Variants in PHF12 observed in about 807,000 individuals in gnomAD.
PHF12 encodes PHD factor 1.
PHF12 carries 6 observed loss-of-function variants against 99.8 expected under a neutral mutation model. That is an observed-to-expected ratio of 0.06 (90% CI 0.03 to 0.12). The LOEUF is 0.12. PHF12 is among the 10% of genes least tolerant of loss of function. The pLI is 1.00. For missense variants in PHF12, 954 were observed against 1,300.1 expected (o/e 0.73, Z 4.09); for synonymous variants, 480 against 514.9 (o/e 0.93, Z 0.92).
chr17:28,909,911 A>G, intron 11 of PHF12: 1 of 605,132 alleles, frequency 1.7e-6, no homozygotes, highest in Admixed American at 2.9e-5. Context: ...TCTAATTCAA[A>G]TATTTGAAAG....
At chr17:28,912,220 G>C (rs954084506) in intron 9 of PHF12, 3 of 1,296,466 alleles carry the variant, frequency 2.3e-6, no homozygotes. Context: ...AGGAGACCTG[G>C]GCTGTGGTTC....
chr17:28,949,925 G>C lies in PHF12; in HGVS notation c.248+140C>G. On this transcript the variant is annotated intron_variant, in intron 2 of 14. Transcript: ENST00000332830. This position sits in a 1 kb window ranked among gnomAD's most constrained non-coding sequence, Gnocchi z 4.6. ...AACCCGGCGGACACCTGGGGGCGGG[G>C]AGGTGCTCGCCCCGGCAGCTGCAGA... The C allele has an allele frequency of 2.1e-6, 2 of 966,128 alleles. No individual in the cohort carries two copies. The highest frequency in any genetic ancestry group is 3.0e-6 in the Non-Finnish European group (2 of 665,044). 59.8% of individuals were successfully genotyped at this position (966,128 alleles called of 1,614,324 possible).
rs145949785 is a variant in PHF12, at chr17:28,934,978, C to A, written c.249-7915G>T. On this transcript the variant is annotated intron_variant, in intron 2 of 14. Coordinates refer to ENST00000332830, the MANE Select transcript of PHF12 (RefSeq NM_001033561.2). Reference sequence around the variant, plus strand: ...AGCTCTGGAATAGTTGTCTTCTGTACCTGAACTGGCTTGTCTTGGAAAACT... The same window carrying A: ...AGCTCTGGAATAGTTGTCTTCTGTAACTGAACTGGCTTGTCTTGGAAAACT... Among the ~76,000 whole-genome samples, 35 of 152,324 alleles carry A rather than the reference C, an allele frequency of 2.3e-4. No individual in the cohort carries two copies. In the East Asian group the frequency reaches 6.7e-3, roughly 29 times the overall value.
chr17:28,927,795 T>C (rs1265304654), intron 2 of PHF12: 2 of 152,192 alleles, frequency 1.3e-5, no homozygotes, highest in South Asian at 2.1e-4. Flanking sequence ...AGAGAGGACA[T>C]GGAGGAGACA....
rs770469264 is a variant in PHF12, at chr17:28,907,637, G to A, written c.2494C>T (p.His832Tyr). 1 of 1,613,940 alleles carries A rather than the reference G, an allele frequency of 6.2e-7. No individual in the cohort carries two copies. The highest frequency in any genetic ancestry group is 2.2e-5 in the East Asian group (1 of 44,880). ...DMDVCLTNYG[H>Y]CNYVSGKHAC... The stretch of plus-strand genomic sequence containing the variant: ...TGTTTCCCGGACACGTAGTTACAGT[G>A]ACCATAGTTTGTAAGGCACACATCC... The change falls in exon 13 of 15, where the codon CAC becomes TAC. Residue 832 changes from histidine (H) to tyrosine (Y), a missense_variant. Transcript: ENST00000332830.
chr17:28,919,195 G>C lies in PHF12; in HGVS notation c.917C>G (p.Thr306Ser). The change falls in exon 6 of 15, where the codon ACT (threonine) becomes AGT (serine). Residue 306 changes from threonine (T) to serine (S), a missense_variant. Transcript: ENST00000332830. ...CATCCATCTGCCCAGGGGCATGGCAGTGAGCGGCGGCTCGAGGCAATCCAT... is the reference window on the plus strand; with the variant it reads ...CATCCATCTGCCCAGGGGCATGGCACTGAGCGGCGGCTCGAGGCAATCCAT... ...FHMDCLEPPL[T>S]AMPLGRWMCP... is the part of the protein sequence containing the mutation. The C allele has an allele frequency of 6.2e-7, 1 of 1,614,262 alleles. No homozygotes were observed. Among genetic ancestry groups the C allele is most frequent in the Non-Finnish European group, 8.5e-7 (1 of 1,180,038 alleles).
Position 28,950,599 on chromosome 17 carries a change from A to C in PHF12, c.66+296T>G. 1 of 516,390 alleles carries C rather than the reference A, an allele frequency of 1.9e-6. No individual in the cohort carries two copies. The highest frequency in any genetic ancestry group is 3.3e-5 in the East Asian group (1 of 29,964). The allele number at this position is 516,390 out of a possible 1,614,324, so 32.0% of individuals were successfully genotyped here. ...CCCGGTACCCGGACGTGCTGGGGGA[A>C]GCACAAAGGGGCCAACAAGAAGGGG... On this transcript the variant is annotated intron_variant, in intron 1 of 14. Transcript: ENST00000332830. This position sits in a 1 kb window ranked among gnomAD's most constrained non-coding sequence, Gnocchi z 5.7.
Position 28,921,684 on chromosome 17 carries a change from A to G in PHF12, c.836+4T>C, listed in dbSNP as rs2040168934. The G allele has an allele frequency of 6.2e-7, 1 of 1,613,762 alleles. No homozygotes were observed. The highest frequency in any genetic ancestry group is 8.5e-7 in the Non-Finnish European group (1 of 1,179,840). ...AAAGAGCCCCTTAGTATGAAAGAAAATACCTGTTACACGTGAAGCAGACTT... is the reference window on the plus strand; with the variant it reads ...AAAGAGCCCCTTAGTATGAAAGAAAGTACCTGTTACACGTGAAGCAGACTT... On this transcript the variant is annotated splice_donor_region_variant and intron_variant, in intron 5 of 14. Coordinates refer to ENST00000332830, the MANE Select transcript of PHF12 (RefSeq NM_001033561.2).
intron 2 of PHF12, among the ~76,000 whole-genome samples, chr17:28,943,701 C>A (rs2152678590): frequency 6.8e-6 from 1 of 147,778 alleles, no homozygotes; most frequent in South Asian, 2.1e-4. Context: ...CAAATGTTCA[C>A]AACATTATTT....
At chr17:28,934,984 C>A (rs2040482852) in intron 2 of PHF12, among the ~76,000 whole-genome samples, 1 of 152,234 alleles carries the variant, frequency 6.6e-6, no homozygotes, top group Non-Finnish European at 1.5e-5. Context: ...TGTACCTGAA[C>A]TGGCTTGTCT....
chr17:28,928,386 A>C (rs977963566), intron 2 of PHF12: 1 of 152,206 alleles, frequency 6.6e-6, no homozygotes, highest in African/African-American at 2.4e-5. Flanking sequence ...CCATGAGTTC[A>C]TATTACTCCT....
In PHF12 at chr17:28,912,496, G is replaced by A; in HGVS notation, c.2075C>T (p.Pro692Leu). Reference sequence around the variant, plus strand: ...GCAGCACTCACCTGACGATGGCGCTGGTGAGCTGAATCGTTGGTTGGCTGT... The same window carrying A: ...GCAGCACTCACCTGACGATGGCGCTAGTGAGCTGAATCGTTGGTTGGCTGT... ...ATTANQRFSSPAPSSDGKVSP... is the reference protein window; with the variant it reads ...ATTANQRFSSLAPSSDGKVSP... Residue 692 changes from proline (P) to leucine (L), a missense_variant, in exon 9 of 15, where the codon CCA becomes CTA. Physicochemically the swap from Pro to Leu is moderately conservative, Grantham distance 98. Transcript: ENST00000332830. The A allele has an allele frequency of 1.2e-6, 2 of 1,600,262 alleles. No individual in the cohort carries two copies. Among genetic ancestry groups the A allele is most frequent in the Non-Finnish European group, 1.7e-6 (2 of 1,170,322 alleles).
intron 9 of PHF12, chr17:28,912,023 C>G: frequency 1.1e-6 from 1 of 913,084 alleles, no homozygotes; most frequent in Non-Finnish European, 1.3e-6. Context: ...GGAAGTTCAT[C>G]AGATTAACTC....
intron 2 of PHF12, chr17:28,945,069 G>A (rs1218633623): frequency 1.3e-5 from 2 of 152,132 alleles, no homozygotes; most frequent in Non-Finnish European, 2.9e-5. Flanking sequence ...GACGTGCCTG[G>A]GCAGCATAGT....
In PHF12 at chr17:28,906,633, G is replaced by A; in HGVS notation, c.2681-116C>T. ...ATTCCAACTGCTGCATGACTAGGGA[G>A]GAAGGATGCTCAGAAAGGGTTGGTG... On this transcript the variant is annotated intron_variant, in intron 14 of 14. Transcript: ENST00000332830. This position sits in a 1 kb window ranked among gnomAD's most constrained non-coding sequence, Gnocchi z 4.2. 7.8e-7 allele frequency: 1 copy of A among 1,289,706 alleles called. No homozygotes were observed. Among genetic ancestry groups the A allele is most frequent in the Non-Finnish European group, 1.1e-6 (1 of 942,032 alleles). 79.9% of individuals were successfully genotyped at this position (1,289,706 alleles called of 1,614,324 possible).
chr17:28,929,337 T>C (rs2040353538), intron 2 of PHF12, among the ~76,000 whole-genome samples: 1 of 151,492 alleles, frequency 6.6e-6, no homozygotes, highest in African/African-American at 2.4e-5. Flanking sequence ...CCGCCTCCCA[T>C]GTTCAAGCAA....
In PHF12 at chr17:28,921,780, TTCC is replaced by T; in HGVS notation, c.741_743del (p.Glu248del). ...TCTTCTTAACATTTTTCCCTGTGGT[TTCC>T]TCCTTTCTTCTCCTCTTGCTAGAAC... is the stretch of plus-strand genomic sequence containing the variant. On this transcript the variant is annotated inframe_deletion, in exon 5 of 15. Coordinates refer to ENST00000332830, the MANE Select transcript of PHF12 (RefSeq NM_001033561.2). The T allele has an allele frequency of 6.2e-7, 1 of 1,614,138 alleles. No individual in the cohort carries two copies. The highest frequency in any genetic ancestry group is 1.1e-5 in the South Asian group (1 of 91,080).
At position 28,914,126 on chromosome 17, in the gene PHF12, G is replaced by T. The variant is rs1189598145; in HGVS notation, c.1135-89C>A. The T allele has an allele frequency of 4.8e-5, 67 of 1,400,598 alleles. No homozygotes were observed. The East Asian group carries it at 1.6e-3, about 33-fold the overall frequency. The allele number at this position is 1,400,598 out of a possible 1,614,324, so 86.8% of individuals were successfully genotyped here. Reference sequence around the variant, plus strand: ...GCCCTGGTATGCTGTTCTGTCTGTGGTGCTGGTGCTCAAGGGACCATCCAC... The same window carrying T: ...GCCCTGGTATGCTGTTCTGTCTGTGTTGCTGGTGCTCAAGGGACCATCCAC... On this transcript the variant is annotated intron_variant, in intron 7 of 14. Coordinates refer to ENST00000332830, the MANE Select transcript of PHF12 (RefSeq NM_001033561.2).
chr17:28,934,610 A>ATTTT (rs561144385), intron 2 of PHF12, among the ~76,000 whole-genome samples: 1 of 126,516 alleles, frequency 7.9e-6, no homozygotes, highest in African/African-American at 3.0e-5. Context: ...TTTCTTTTCT[A>ATTTT]TTTTTTTTTT....
Sources: allele counts gnomAD v4.1 joint callset (sites outside exome capture counted in the v4.1 genomes callset), GRCh38; gene constraint gnomAD v4.1.1; non-coding constraint Gnocchi (gnomAD v3.1); transcripts MANE v1.5; gene names NCBI Gene and HGNC (gene_info 2026-07-23, HGNC 2026-07-21).